PGBD2: variants seen among roughly 807,000 people sequenced by gnomAD.
The protein encoded by PGBD2 is piggyBac transposable element derived 2, also known as piggyBac transposable element-derived protein 2.
Under a neutral mutation model 8.1 loss-of-function variants are expected in PGBD2, and 6 were observed. The ratio of observed to expected loss-of-function variants is 0.74; its 90% CI spans 0.40 to 1.46. The LOEUF (loss-of-function observed/expected upper bound fraction) is 1.46. Ranked by LOEUF, PGBD2 falls within the 40% of genes most tolerant of loss-of-function variation. PGBD2 has a pLI of 0.02. For missense variants in PGBD2, 802 were observed against 739.0 expected (o/e 1.09, Z -0.99); for synonymous variants, 318 against 272.2 (o/e 1.17, Z -1.66).
chr1:248,927,126 T>C, the PGBD2 span, among the ~76,000 whole-genome samples: 21 of 152,298 alleles, frequency 1.4e-4, no homozygotes, highest in African/African-American at 5.1e-4. Flanking sequence ...AGAAGGAGTA[T>C]GTCGCCCAAA....
chr1:248,915,128 A>G (rs1558288017), intron 2 of PGBD2, among the ~76,000 whole-genome samples: 1 of 152,082 alleles, frequency 6.6e-6, no homozygotes. Flanking sequence ...ATTCATTGCT[A>G]CCTGACACCA....
At chr1:248,875,608 C>A in the PGBD2 span, among the ~76,000 whole-genome samples, 2 of 152,170 alleles carry the variant, frequency 1.3e-5, no homozygotes, top group African/African-American at 4.8e-5. Context: ...TAAGTTCTAT[C>A]TTCTTAACAT....
chr1:248,874,281 C>T, the PGBD2 span, among the ~76,000 whole-genome samples: 17 of 152,150 alleles, frequency 1.1e-4, no homozygotes, highest in South Asian at 4.1e-4. Flanking sequence ...ATTCGGCGCT[C>T]TCACCGCCGC....
chr1:248,918,180 A>C lies in PGBD2; in HGVS notation c.1596A>C (p.Thr532=), dbSNP rs1195284709. The change falls in exon 3 of 3, where the codon ACA becomes ACC. Residue 532 remains threonine, a synonymous_variant. Coordinates refer to ENST00000329291, the MANE Select transcript of PGBD2 (RefSeq NM_170725.3). ...ATCTGGAGAGCAATGCTGACACAAC[A>C]TCTCAAGGGAGGCGAAGCAGGCGGT... The part of the protein sequence containing the change: ...CVYLESNADT[T]SQGRRSRRLE... The C allele has an allele frequency of 6.2e-7, 1 of 1,614,210 alleles. No individual in the cohort carries two copies. The highest frequency in any genetic ancestry group is 8.5e-7 in the Non-Finnish European group (1 of 1,180,038).
chr1:248,879,237 T>C, the PGBD2 span, among the ~76,000 whole-genome samples: 8 of 152,326 alleles, frequency 5.3e-5, no homozygotes, highest in Admixed American at 3.3e-4. Flanking sequence ...CCATTCATAG[T>C]CTGATTTTCT....
chr1:248,888,160 G>A, the PGBD2 span, among the ~76,000 whole-genome samples: 4 of 152,114 alleles, frequency 2.6e-5, no homozygotes, highest in South Asian at 2.1e-4. Context: ...GCAATCCACC[G>A]TGGATGGTCA....
chr1:248,901,572 C>G (rs188008875), upstream of PGBD2, among the ~76,000 whole-genome samples: 59 of 152,336 alleles, frequency 3.9e-4, no homozygotes, highest in African/African-American at 1.3e-3. Context: ...CATCCTTACA[C>G]TTTATACAAA....
At chr1:248,911,118 T>TC (rs2103106993) in intron 1 of PGBD2, among the ~76,000 whole-genome samples, 1 of 151,216 alleles carries the variant, frequency 6.6e-6, no homozygotes, top group East Asian at 1.9e-4. Context: ...TCTTTTCTTT[T>TC]CTTTTTTTTT....
At chr1:248,892,783 G>A in the PGBD2 span, among the ~76,000 whole-genome samples, 1 of 152,156 alleles carries the variant, frequency 6.6e-6, no homozygotes, top group African/African-American at 2.4e-5. Flanking sequence ...TATGGTGTGG[G>A]CCTTGACTCA....
chr1:248,898,086 T>C, the PGBD2 span, among the ~76,000 whole-genome samples: 3 of 152,202 alleles, frequency 2.0e-5, no homozygotes, highest in Non-Finnish European at 4.4e-5. Context: ...CTGATCTCCC[T>C]GGGATGCAGC....
the PGBD2 span, among the ~76,000 whole-genome samples, chr1:248,889,812 A>G: frequency 6.6e-6 from 1 of 152,088 alleles, no homozygotes; most frequent in African/African-American, 2.4e-5. Flanking sequence ...GCAGCTGCAG[A>G]AAAATGTATG....
chr1:248,897,136 A>G, the PGBD2 span, among the ~76,000 whole-genome samples: 1 of 152,090 alleles, frequency 6.6e-6, no homozygotes. Flanking sequence ...TAGCATGCTT[A>G]TGCTGGTCCA....
the PGBD2 span, among the ~76,000 whole-genome samples, chr1:248,884,348 T>G: frequency 3.1e-5 from 3 of 97,270 alleles, no homozygotes; most frequent in East Asian, 6.4e-4. Context: ...TTTGTTTGTG[T>G]TTTTTTTTTT....
chr1:248,928,002 C>T, the PGBD2 span, among the ~76,000 whole-genome samples: 5 of 152,120 alleles, frequency 3.3e-5, no homozygotes, highest in Non-Finnish European at 5.9e-5. Context: ...TCTTGTAGCC[C>T]CTTCCTGGAA....
At position 248,909,542 on chromosome 1, in the gene PGBD2, A is replaced by C. The variant is rs137859035; in HGVS notation, c.-48+3200A>C. ...TGTGGCCATTTGGCTCTGTGGCATGATTAATTTGGTTCAGCGAGTATTTAT... is the reference window on the plus strand; with the variant it reads ...TGTGGCCATTTGGCTCTGTGGCATGCTTAATTTGGTTCAGCGAGTATTTAT... On this transcript the variant is annotated intron_variant, in intron 1 of 2. Coordinates refer to ENST00000329291, the MANE Select transcript of PGBD2 (RefSeq NM_170725.3). 3.8e-3 allele frequency among the ~76,000 whole-genome samples: 586 copies of C among 152,228 alleles called. 7 individuals are homozygous for C. Among genetic ancestry groups the C allele is most frequent in the African/African-American group, 0.013 (560 of 41,534 alleles).
At chr1:248,907,532 C>T (rs1411137177) in intron 1 of PGBD2, among the ~76,000 whole-genome samples, 136 of 152,038 alleles carry the variant, frequency 8.9e-4, no homozygotes, top group Non-Finnish European at 3.8e-4. Flanking sequence ...GGCTGTATTT[C>T]AGACTATCAC....
chr1:248,919,055 C>T lies in PGBD2; in HGVS notation c.*692C>T, dbSNP rs1662225410. 1 of 166,900 alleles carries T rather than the reference C, an allele frequency of 6.0e-6. No homozygotes were observed. Among genetic ancestry groups the T allele is most frequent in the Non-Finnish European group, 1.5e-5 (1 of 68,094 alleles). The allele number at this position is 166,900 out of a possible 1,614,324, so 10.3% of individuals were successfully genotyped here. A position where few individuals can be genotyped will look rare whatever the true frequency, so the allele number is the denominator to read the frequency against. ...ATCACATCAGGGTAAATGGGGTATC[C>T]ATCTTGTCAAACACTTGTCCTTTGT... On this transcript the variant is annotated 3_prime_UTR_variant, in exon 3 of 3. Transcript: ENST00000329291.
chr1:248,877,417 C>G, the PGBD2 span, among the ~76,000 whole-genome samples: 1 of 152,178 alleles, frequency 6.6e-6, no homozygotes, highest in African/African-American at 2.4e-5. Flanking sequence ...ACACTTCAGC[C>G]TCACCAGCGG....
At chr1:248,873,164 AC>A in the PGBD2 span, among the ~76,000 whole-genome samples, 1 of 151,410 alleles carries the variant, frequency 6.6e-6, no homozygotes, top group Non-Finnish European at 1.5e-5. Context: ...CTCACAGGTA[AC>A]CTCACAGCCC....
Sources: gnomAD v4.1 joint callset for allele counts (sites outside exome capture counted in the v4.1 genomes callset) on GRCh38, gnomAD v4.1.1 for gene constraint, MANE v1.5 for transcripts, NCBI Gene and HGNC (gene_info 2026-07-23, HGNC 2026-07-21) for gene names.